PRMT9: variants seen among roughly 807,000 people sequenced by gnomAD.
The protein encoded by PRMT9 is protein arginine methyltransferase 9.
A neutral mutation model predicts 83.2 loss-of-function variants in PRMT9; 59 were observed. The observed-to-expected ratio is 0.71, with a 90% CI of 0.57 to 0.88. The LOEUF (loss-of-function observed/expected upper bound fraction) is 0.88. Among genes scored for constraint, PRMT9 ranks in the 40% least tolerant of loss-of-function variants. PRMT9 has a pLI of 0.00. For synonymous variants in PRMT9, 333 were observed against 353.2 expected (o/e 0.94, Z 0.64); for missense variants, 947 against 1,021.9 (o/e 0.93, Z 1.00).
intron 7 of PRMT9, among the ~76,000 whole-genome samples, 161 bp downstream of exon 7, chr4:147,660,685 A>C (rs1370265997): frequency 6.6e-6 from 1 of 152,138 alleles, no homozygotes; most frequent in Non-Finnish European, 1.5e-5. Flanking sequence ...GAAAGCAAAT[A>C]ATTTCAGGAA....
chr4:147,678,252 T>A (rs1736229027), intron 2 of PRMT9, among the ~76,000 whole-genome samples: 1 of 152,180 alleles, frequency 6.6e-6, no homozygotes, highest in South Asian at 2.1e-4. Flanking sequence ...TAGCTGGATG[T>A]GATTTGAGGG....
chr4:147,639,410 A>G, intron 10 of PRMT9: 2 of 273,746 alleles, frequency 7.3e-6, no homozygotes, highest in Non-Finnish European at 1.4e-5. Flanking sequence ...ACAGCTCTAA[A>G]ATTTTTAACC....
chr4:147,660,403 A>G (rs1015966658), intron 7 of PRMT9, among the ~76,000 whole-genome samples: 3 of 152,174 alleles, frequency 2.0e-5, no homozygotes, highest in Non-Finnish European at 2.9e-5. Context: ...GGCCAAGGTC[A>G]GCAGATCGCT....
Position 147,680,471 on chromosome 4 carries a change from C to G in PRMT9, c.190G>C (p.Glu64Gln), listed in dbSNP as rs1165328672. The change falls in exon 2 of 12, where the codon GAA becomes CAA. Residue 64 changes from glutamate to glutamine, a missense_variant and splice_region_variant. Glu to Gln is a conservative substitution (Grantham distance 29). Transcript: ENST00000322396. ...CTGAAAAGTGTGTACTGAAAAGTTT[C>G]CTTTACAAATAAGAAAAAAATTATG... ...LAPELKHDVK[E>Q]TFQYTLFRWA... 6.2e-7 allele frequency: 1 copy of G among 1,611,054 alleles called. No homozygotes were observed.
chr4:147,658,464 A>G (rs1485941834), intron 7 of PRMT9, among the ~76,000 whole-genome samples: 2 of 152,154 alleles, frequency 1.3e-5, no homozygotes, highest in East Asian at 3.9e-4. Flanking sequence ...AGATTTTAAA[A>G]AGGAAGAAAA....
At chr4:147,647,798 C>T (rs1004890547) in intron 9 of PRMT9, among the ~76,000 whole-genome samples, 1 of 152,136 alleles carries the variant, frequency 6.6e-6, no homozygotes, top group East Asian at 1.9e-4. Context: ...GCTGGGATTA[C>T]AGGCATGAAC....
At chr4:147,676,334 C>T (rs1484032261) in intron 2 of PRMT9, among the ~76,000 whole-genome samples, 1 of 152,020 alleles carries the variant, frequency 6.6e-6, no homozygotes, top group Non-Finnish European at 1.5e-5. Context: ...TAATTGAATC[C>T]TATAGAGTAA....
chr4:147,653,453 A>T (rs60376361), intron 9 of PRMT9, among the ~76,000 whole-genome samples: 12,113 of 148,570 alleles, frequency 0.082, 763 homozygotes, highest in East Asian at 0.29. Flanking sequence ...AAAAAAAAAA[A>T]ATATATATAT....
chr4:147,682,721 A>C (rs530890902), intron 1 of PRMT9, among the ~76,000 whole-genome samples: 1 of 152,204 alleles, frequency 6.6e-6, no homozygotes, highest in African/African-American at 2.4e-5. Context: ...GAGTTGATCC[A>C]TTTTTCTATT....
intron 7 of PRMT9, among the ~76,000 whole-genome samples, chr4:147,658,551 C>T (rs1199752051): frequency 6.6e-6 from 1 of 152,108 alleles, no homozygotes; most frequent in African/African-American, 2.4e-5. Flanking sequence ...GAAATTAAAA[C>T]CTTAGTAAGA....
intron 6 of PRMT9, 102 bp downstream of exon 6, chr4:147,668,437 T>G (rs916242060): frequency 5.2e-6 from 4 of 764,946 alleles, no homozygotes; most frequent in Non-Finnish European, 6.8e-6. Context: ...TGAGGCCTCC[T>G]CAGCATTCAG....
rs1578908347 is a variant in PRMT9, at chr4:147,660,827, G to A, written c.1146+19C>T. On this transcript the variant is annotated intron_variant, in intron 7 of 11. Coordinates refer to ENST00000322396, the MANE Select transcript of PRMT9 (RefSeq NM_138364.4). ...GCATGAAATTTAATGCTTGAAAATA[G>A]TAACTGAATTTTTTTCACCTGAAGG... 1.9e-6 allele frequency: 3 copies of A among 1,549,908 alleles called. No homozygotes were observed. The highest frequency in any genetic ancestry group is 2.7e-6 in the Non-Finnish European group (3 of 1,121,846).
chr4:147,673,959 C>A, intron 2 of PRMT9, 85 bp from the exon 3 acceptor site: 2 of 1,118,760 alleles, frequency 1.8e-6, no homozygotes, highest in Non-Finnish European at 2.7e-6. Flanking sequence ...CTCACTTGGC[C>A]TGGGAATTCC....
intron 9 of PRMT9, among the ~76,000 whole-genome samples, chr4:147,648,623 G>A (rs1050961916): frequency 1.8e-4 from 27 of 152,168 alleles, no homozygotes; most frequent in African/African-American, 5.6e-4. Flanking sequence ...AGGAACTTCC[G>A]ATTTACAGCC....
At chr4:147,655,901 C>G (rs1734452829) in intron 8 of PRMT9, among the ~76,000 whole-genome samples, 1 of 144,460 alleles carries the variant, frequency 6.9e-6, no homozygotes, top group East Asian at 1.9e-4. Flanking sequence ...AAAAGATCAT[C>G]TGTCTAAGTT....
chr4:147,672,979 A>C lies in PRMT9; in HGVS notation c.723T>G (p.Ile241Met). The change falls in exon 4 of 12, where the codon ATT (isoleucine) becomes ATG (methionine). Residue 241 changes from isoleucine (I) to methionine (M), a missense_variant. Coordinates refer to ENST00000322396, the MANE Select transcript of PRMT9 (RefSeq NM_138364.4). The part of the protein sequence containing the change: ...LLHTKSLDIE[I>M]PKHIPERVSL... ...AATACCTTTCGGGAATATGTTTTGG[A>C]ATCTCTATGTCAAGTGACTTCGTAT... 1 of 1,613,878 alleles carries C rather than the reference A, an allele frequency of 6.2e-7. No individual in the cohort carries two copies. Among genetic ancestry groups the C allele is most frequent in the Middle Eastern group, 1.7e-4 (1 of 6,060 alleles).
Position 147,673,638 on chromosome 4 carries a change from C to G in PRMT9, c.575G>C (p.Ser192Thr), listed in dbSNP as rs776309889. Residue 192 changes from serine to threonine, a missense_variant and splice_region_variant, in exon 3 of 12, where the codon AGC becomes ACC. Physicochemically the swap from Ser to Thr is moderately conservative, Grantham distance 58 (BLOSUM62 1). Transcript: ENST00000322396. ...LDIGAGTGILSMFAKKAGAHS... is the reference protein window; with the variant it reads ...LDIGAGTGILTMFAKKAGAHS... ...CCATTAAAATGCAATTACTACCAACCTTAGTATTCCAGTTCCTGCTCCAAT... is the reference window on the plus strand; with the variant it reads ...CCATTAAAATGCAATTACTACCAACGTTAGTATTCCAGTTCCTGCTCCAAT... The G allele has an allele frequency of 1.3e-6, 2 of 1,576,266 alleles. No homozygotes were observed. The highest frequency in any genetic ancestry group is 1.7e-6 in the Non-Finnish European group (2 of 1,145,616).
chr4:147,667,565 TCCCTGTA>T (rs1735426257), intron 6 of PRMT9, among the ~76,000 whole-genome samples: 1 of 152,120 alleles, frequency 6.6e-6, no homozygotes, highest in Non-Finnish European at 1.5e-5. Flanking sequence ...TTTTACTATC[TCCCTGTA>T]ACATACAAAG....
At position 147,670,165 on chromosome 4, in the gene PRMT9, GTTGTTTTGTT is replaced by G. The variant is rs145703293; in HGVS notation, c.846+466_846+475del. Among the ~76,000 whole-genome samples the G allele has an allele frequency of 7.3e-3, 1,104 of 151,366 alleles. 5 individuals carry two copies. The highest frequency in any genetic ancestry group is 0.017 in the Middle Eastern group (5 of 294). On this transcript the variant is annotated intron_variant, in intron 5 of 11. Coordinates refer to ENST00000322396, the MANE Select transcript of PRMT9 (RefSeq NM_138364.4). ...TCATGTTGTTAGTAAATGTTTTTATGTTGTTTTGTTTTGTTTTGTTTTGTTTTGTTTGAGA... is the reference window on the plus strand; with the variant it reads ...TCATGTTGTTAGTAAATGTTTTTATGTTGTTTTGTTTTGTTTTGTTTGAGA...
Sources: allele counts gnomAD v4.1 joint callset (sites outside exome capture counted in the v4.1 genomes callset), GRCh38; gene constraint gnomAD v4.1.1; transcripts MANE v1.5; gene names NCBI Gene and HGNC (gene_info 2026-07-23, HGNC 2026-07-21).